Variants in WDR70 observed in about 807,000 individuals in gnomAD.
WDR70 encodes the protein WD repeat-containing protein 70.
In WDR70, 53 loss-of-function variants were observed where a neutral mutation model predicts 88.6. That is an observed-to-expected ratio of 0.60 (90% confidence interval 0.48 to 0.75). WDR70 has a LOEUF of 0.75. Ranked by LOEUF, WDR70 falls within the 30% of genes least tolerant of loss-of-function variation. WDR70 has a pLI of 0.00. For synonymous variants in WDR70, 280 were observed against 270.0 expected (o/e 1.04, Z -0.36); for missense variants, 610 against 823.2 (o/e 0.74, Z 3.17).
intron 10 of WDR70, among the ~76,000 whole-genome samples, chr5:37,676,362 G>A (rs1022569266): frequency 7.2e-5 from 11 of 152,046 alleles, no homozygotes; most frequent in African/African-American, 2.7e-4. Context: ...GATGATATTG[G>A]CTGTGGGTTT....
intron 8 of WDR70, among the ~76,000 whole-genome samples, chr5:37,508,263 C>T (rs1041675999): frequency 3.3e-5 from 5 of 151,904 alleles, no homozygotes; most frequent in African/African-American, 7.3e-5. Context: ...CTCTATGATG[C>T]GATTAGTGCC....
At chr5:37,647,725 T>C (rs1025387584) in intron 10 of WDR70, among the ~76,000 whole-genome samples, 2 of 152,196 alleles carry the variant, frequency 1.3e-5, no homozygotes, top group Non-Finnish European at 2.9e-5. Context: ...CTCCCAAACT[T>C]ACTTTGTTTG....
chr5:37,541,427 C>CTAA (rs1361123387), intron 9 of WDR70, among the ~76,000 whole-genome samples: 1 of 152,090 alleles, frequency 6.6e-6, no homozygotes, highest in Non-Finnish European at 1.5e-5. Context: ...GAATAACTTG[C>CTAA]TAATACTTAA....
chr5:37,473,343 CTT>C (rs70978821), intron 7 of WDR70, among the ~76,000 whole-genome samples: 4,535 of 117,216 alleles, frequency 0.039, 84 homozygotes, highest in Middle Eastern at 0.12. Flanking sequence ...TATTCATATT[CTT>C]TTTTTTTTTT....
At chr5:37,638,791 C>CT (rs1745036335) in intron 10 of WDR70, among the ~76,000 whole-genome samples, 1 of 152,160 alleles carries the variant, frequency 6.6e-6, no homozygotes, top group Admixed American at 6.6e-5. Context: ...TGTACATCAT[C>CT]TGAGTTTTTG....
chr5:37,523,329 C>T (rs572975146), intron 9 of WDR70, among the ~76,000 whole-genome samples: 5 of 152,310 alleles, frequency 3.3e-5, no homozygotes, highest in African/African-American at 7.2e-5. Flanking sequence ...CAGCAATATT[C>T]GCTGTTCTGC....
rs113198126 is a variant in WDR70, at chr5:37,741,463, T to C, written c.1878-11023T>C. 7.5e-3 allele frequency among the ~76,000 whole-genome samples: 1,145 copies of C among 152,184 alleles called. 19 individuals are homozygous for C. The highest frequency in any genetic ancestry group is 0.026 in the African/African-American group (1,079 of 41,510). ...CAGGGACTAGTTTCGTGGAAGACAA[T>C]TTTTCCATGGAATGGGAGTGGTGGG... On this transcript the variant is annotated intron_variant, in intron 17 of 17. Transcript: ENST00000265107.
chr5:37,641,105 A>T (rs1745089951), intron 10 of WDR70, among the ~76,000 whole-genome samples: 1 of 152,100 alleles, frequency 6.6e-6, no homozygotes, highest in Admixed American at 6.6e-5. Flanking sequence ...TATTTCCCTT[A>T]TTCACAGCAT....
At chr5:37,475,609 T>A (rs1739456360) in intron 7 of WDR70, among the ~76,000 whole-genome samples, 1 of 152,194 alleles carries the variant, frequency 6.6e-6, no homozygotes, top group Non-Finnish European at 1.5e-5. Flanking sequence ...TAGTAAGTCT[T>A]TGTGAAATAT....
At chr5:37,519,762 A>G (rs982293954) in intron 9 of WDR70, among the ~76,000 whole-genome samples, 1 of 152,206 alleles carries the variant, frequency 6.6e-6, no homozygotes, top group African/African-American at 2.4e-5. Context: ...TTTTCGATTT[A>G]CTGATTTCCT....
intron 8 of WDR70, among the ~76,000 whole-genome samples, chr5:37,512,884 C>T (rs1005560176): frequency 2.1e-4 from 32 of 152,056 alleles, no homozygotes; most frequent in African/African-American, 6.8e-4. Flanking sequence ...CGCACCCAGC[C>T]GAGATTCTTA....
At chr5:37,660,842 C>T (rs1745682563) in intron 10 of WDR70, among the ~76,000 whole-genome samples, 1 of 151,906 alleles carries the variant, frequency 6.6e-6, no homozygotes, top group African/African-American at 2.4e-5. Flanking sequence ...CAGATTCAAC[C>T]AACCACAGAT....
intron 8 of WDR70, among the ~76,000 whole-genome samples, chr5:37,498,555 A>C (rs910403400): frequency 6.6e-6 from 1 of 152,218 alleles, no homozygotes; most frequent in East Asian, 1.9e-4. Flanking sequence ...CCAACTACCT[A>C]CTTGACAAAT....
At chr5:37,546,352 A>T (rs1004705201) in intron 9 of WDR70, among the ~76,000 whole-genome samples, 2 of 152,176 alleles carry the variant, frequency 1.3e-5, no homozygotes, top group African/African-American at 4.8e-5. Flanking sequence ...AACGGGTAAG[A>T]TGTCTACACC....
Position 37,739,404 on chromosome 5 carries a change from C to T in WDR70, c.1877+12359C>T, listed in dbSNP as rs191802534. On this transcript the variant is annotated intron_variant, in intron 17 of 17. Coordinates refer to ENST00000265107, the MANE Select transcript of WDR70 (RefSeq NM_018034.4). Reference sequence around the variant, plus strand: ...GTTTTGGGCAAGGGAGATAATCTGCCATGAGGCAGTAAGCTTGAGTTGATA... The same window carrying T: ...GTTTTGGGCAAGGGAGATAATCTGCTATGAGGCAGTAAGCTTGAGTTGATA... Among the ~76,000 whole-genome samples the T allele has an allele frequency of 9.2e-5, 14 of 152,284 alleles. No homozygotes were observed. The East Asian group carries it at 2.7e-3, about 29-fold the overall frequency.
chr5:37,461,778 C>T lies in WDR70; in HGVS notation c.687-18056C>T, dbSNP rs536751695. On this transcript the variant is annotated intron_variant, in intron 7 of 17. Coordinates refer to ENST00000265107, the MANE Select transcript of WDR70 (RefSeq NM_018034.4). The stretch of plus-strand genomic sequence containing the variant: ...GATTACAGGCGTGAGCCACTGCTCC[C>T]GGCCTGTATGCTGTATTTTTAGGAA... 8.5e-5 allele frequency among the ~76,000 whole-genome samples: 13 copies of T among 152,192 alleles called. No homozygotes were observed. In the East Asian group the frequency reaches 1.4e-3, roughly 16 times the overall value.
rs1000993348 is a variant in WDR70 at position 37,652,167 on chromosome 5, T to C, written c.1093-45488T>C. On this transcript the variant is annotated intron_variant, in intron 10 of 17. Transcript: ENST00000265107. ...CAGTTTTCTGCATATGGCTAGCCAG[T>C]TTTCCCAACACCATTTATTACATAG... Among the ~76,000 whole-genome samples, 7 of 152,358 alleles carry C rather than the reference T, an allele frequency of 4.6e-5. No homozygotes were observed. In the East Asian group the frequency reaches 1.4e-3, roughly 29 times the overall value.
In WDR70 at chr5:37,693,017, C is replaced by G. The variant is rs1332969999; in HGVS notation, c.1093-4638C>G. 2.6e-5 allele frequency among the ~76,000 whole-genome samples: 4 copies of G among 152,280 alleles called. No homozygotes were observed. In the East Asian group the frequency reaches 7.7e-4, roughly 29 times the overall value. On this transcript the variant is annotated intron_variant, in intron 10 of 17. Transcript: ENST00000265107. ...TAAGCTGATAAGCAACTTCAGCAAA[C>G]TCTCGGGATACAAAATCCATGTGAA...
intron 8 of WDR70, among the ~76,000 whole-genome samples, chr5:37,510,691 A>AT (rs968841182): frequency 2.6e-5 from 4 of 152,118 alleles, no homozygotes; most frequent in Admixed American, 2.0e-4. Flanking sequence ...CTGTATAATG[A>AT]TTTTTTCACC....
Sources: gnomAD v4.1 joint callset for allele counts (sites outside exome capture counted in the v4.1 genomes callset) on GRCh38, gnomAD v4.1.1 for gene constraint, MANE v1.5 for transcripts, NCBI Gene and HGNC (gene_info 2026-07-23, HGNC 2026-07-21) for gene names.